Variants in IFT80 observed in about 807,000 individuals in gnomAD.
IFT80 encodes the protein intraflagellar transport protein 80 homolog.
IFT80 carries 79 observed loss-of-function variants against 107.9 expected under a neutral mutation model. The observed-to-expected ratio is 0.73, with a 90% CI of 0.61 to 0.88. The LOEUF is 0.88. Among genes scored for constraint, IFT80 ranks in the 40% least tolerant of loss-of-function variants. The probability of loss-of-function intolerance (pLI) is 0.00; values close to 1 mark genes in which losing one functional copy is unlikely to be tolerated. For synonymous variants in IFT80, 299 were observed against 300.9 expected (o/e 0.99, Z 0.07); for missense variants, 797 against 914.2 (o/e 0.87, Z 1.65).
At chr3:160,276,135 TG>T (rs1241134458) in intron 18 of IFT80, among the ~76,000 whole-genome samples, 1 of 152,162 alleles carries the variant, frequency 6.6e-6, no homozygotes, top group Non-Finnish European at 1.5e-5. Context: ...CCCGAAGTGT[TG>T]GGATTACAAG....
At position 160,280,651 on chromosome 3, in the gene IFT80, C is replaced by G. The variant is rs371952748; in HGVS notation, c.1664+16G>C. 1 of 1,602,134 alleles carries G rather than the reference C, an allele frequency of 6.2e-7. No individual in the cohort carries two copies. The highest frequency in any genetic ancestry group is 1.3e-5 in the African/African-American group (1 of 74,580). On this transcript the variant is annotated intron_variant, in intron 15 of 19. Transcript: ENST00000326448. ...TTATTTACTACAAAACAGAATTATA[C>G]GCAGTAAAATGTTACCTTGCATCCC...
At chr3:160,281,152 A>G (rs1349312867) in intron 14 of IFT80, among the ~76,000 whole-genome samples, 1 of 152,138 alleles carries the variant, frequency 6.6e-6, no homozygotes, top group Non-Finnish European at 1.5e-5. Flanking sequence ...CCGTCCCCTC[A>G]ATATTCAAGA....
intron 12 of IFT80, among the ~76,000 whole-genome samples, chr3:160,298,064 G>T (rs1048393723): frequency 2.0e-5 from 3 of 152,082 alleles, no homozygotes; most frequent in Non-Finnish European, 2.9e-5. Flanking sequence ...AAGAAGGCAG[G>T]CAAAAATAGC....
At chr3:160,387,016 A>T (rs948888131) in intron 1 of IFT80, among the ~76,000 whole-genome samples, 1 of 152,310 alleles carries the variant, frequency 6.6e-6, no homozygotes, top group African/African-American at 2.4e-5. Flanking sequence ...GTATACAAAA[A>T]AGAGCCTATC....
chr3:160,278,632 G>A (rs759281510), intron 16 of IFT80, among the ~76,000 whole-genome samples: 2 of 151,882 alleles, frequency 1.3e-5, no homozygotes, highest in African/African-American at 2.4e-5. Flanking sequence ...GACAAACTCC[G>A]GGTATTTACC....
intron 5 of IFT80, among the ~76,000 whole-genome samples, chr3:160,374,383 G>A (rs1161399299): frequency 1.3e-5 from 2 of 151,018 alleles, no homozygotes; most frequent in South Asian, 2.1e-4. Context: ...TACTCCAGTC[G>A]GGAGACAGAG....
chr3:160,262,452 TGG>T (rs1712930018), intron 19 of IFT80, among the ~76,000 whole-genome samples: 1 of 152,052 alleles, frequency 6.6e-6, no homozygotes, highest in African/African-American at 2.4e-5. Flanking sequence ...AACCTCCTGC[TGG>T]GACCACAGGT....
At chr3:160,362,046 T>C (rs1011672121) in intron 6 of IFT80, among the ~76,000 whole-genome samples, 2 of 151,924 alleles carry the variant, frequency 1.3e-5, no homozygotes, top group African/African-American at 4.8e-5. Context: ...CTGAAGGAGA[T>C]AGAGACACAA....
chr3:160,269,544 T>C (rs1458894090), intron 18 of IFT80, among the ~76,000 whole-genome samples: 4 of 152,220 alleles, frequency 2.6e-5, no homozygotes, highest in Non-Finnish European at 5.9e-5. Flanking sequence ...AAATGGTAGA[T>C]GATAACTAAA....
At chr3:160,387,545 A>G (rs1319385872) in intron 1 of IFT80, among the ~76,000 whole-genome samples, 2 of 152,154 alleles carry the variant, frequency 1.3e-5, no homozygotes, top group Admixed American at 6.5e-5. Flanking sequence ...ATGACTGTAA[A>G]GTTTCAATAG....
intron 12 of IFT80, among the ~76,000 whole-genome samples, chr3:160,292,475 C>CTTT (rs142116230): frequency 2.3e-4 from 27 of 115,356 alleles, no homozygotes; most frequent in Non-Finnish European, 3.5e-4. Context: ...AGAGAGATTC[C>CTTT]TTTTTTTTTT....
intron 18 of IFT80, among the ~76,000 whole-genome samples, chr3:160,269,134 C>T (rs890414988): frequency 4.0e-5 from 6 of 150,272 alleles, no homozygotes; most frequent in Admixed American, 1.3e-4. Flanking sequence ...GAGGCTGAGG[C>T]GGGAGAATCG....
intron 1 of IFT80, among the ~76,000 whole-genome samples, chr3:160,385,411 T>G (rs1402689555): frequency 6.6e-6 from 1 of 152,168 alleles, no homozygotes; most frequent in African/African-American, 2.4e-5. Flanking sequence ...CTAACCTAAC[T>G]AGGCAAATGT....
At chr3:160,310,607 A>C (rs1161411658) in intron 9 of IFT80, among the ~76,000 whole-genome samples, 1 of 152,220 alleles carries the variant, frequency 6.6e-6, no homozygotes, top group Non-Finnish European at 1.5e-5. Flanking sequence ...AGGTCTAAAC[A>C]ACTATCATTA....
intron 19 of IFT80, among the ~76,000 whole-genome samples, chr3:160,265,033 T>G (rs1248309990): frequency 6.6e-6 from 1 of 152,146 alleles, no homozygotes; most frequent in Non-Finnish European, 1.5e-5. Context: ...TAAAGTCTTA[T>G]AGCACCACGT....
At chr3:160,277,163 A>G in intron 18 of IFT80, 143 bp downstream of exon 18, 1 of 756,182 alleles carries the variant, frequency 1.3e-6, no homozygotes, top group Non-Finnish European at 2.3e-6. Flanking sequence ...ATTGTAAACT[A>G]TTCACAAATA....
Position 160,322,358 on chromosome 3 carries a change from C to T in IFT80, c.778-2419G>A, listed in dbSNP as rs1214771733. On this transcript the variant is annotated intron_variant, in intron 8 of 19. Coordinates refer to ENST00000326448, the MANE Select transcript of IFT80 (RefSeq NM_020800.3). ...ATTTCATCCATGTCCCTACAAAGGA[C>T]ATGAACTCATCATTTTTTATGGCTG... Among the ~76,000 whole-genome samples, 16 of 151,958 alleles carry T rather than the reference C, an allele frequency of 1.1e-4. No individual in the cohort carries two copies. In the East Asian group the frequency reaches 2.1e-3, roughly 20 times the overall value.
intron 11 of IFT80, among the ~76,000 whole-genome samples, chr3:160,302,555 C>A (rs1362787315): frequency 6.6e-6 from 1 of 151,834 alleles, no homozygotes; most frequent in Admixed American, 6.6e-5. Flanking sequence ...TAAATAAGAC[C>A]AATGATAGGC....
At chr3:160,393,778 T>C (rs951735718) in intron 1 of IFT80, among the ~76,000 whole-genome samples, 40 of 152,084 alleles carry the variant, frequency 2.6e-4, no homozygotes, top group Admixed American at 1.3e-4. Context: ...CCATGACTTG[T>C]CAACAAGAAT....
Sources: allele counts gnomAD v4.1 joint callset (sites outside exome capture counted in the v4.1 genomes callset), GRCh38; gene constraint gnomAD v4.1.1; transcripts MANE v1.5; gene names NCBI Gene and HGNC (gene_info 2026-07-23, HGNC 2026-07-21).